Variants in ANKRD30B observed in about 807,000 individuals in gnomAD.
ANKRD30B encodes ankyrin repeat domain-containing protein 30B.
Under a neutral mutation model 202.2 loss-of-function variants are expected in ANKRD30B, and 144 were observed. That is an observed-to-expected ratio of 0.71 (90% CI 0.62 to 0.82). The LOEUF is 0.82. Among genes scored for constraint, ANKRD30B ranks in the 40% least tolerant of loss-of-function variants. ANKRD30B has a pLI of 0.00. For missense variants in ANKRD30B, 1,487 were observed against 1,669.1 expected (o/e 0.89, Z 1.90); for synonymous variants, 508 against 561.3 (o/e 0.91, Z 1.34).
chr18:14,899,993 G>A, the ANKRD30B span, among the ~76,000 whole-genome samples: 1 of 151,906 alleles, frequency 6.6e-6, no homozygotes, highest in African/African-American at 2.4e-5. Flanking sequence ...TAAATTCCAG[G>A]CATTCATATT....
chr18:14,881,000 T>G, the ANKRD30B span, among the ~76,000 whole-genome samples: 1 of 152,068 alleles, frequency 6.6e-6, no homozygotes, highest in Admixed American at 6.6e-5. Context: ...GTCCGTAGGG[T>G]TCTCAAGGAG....
chr18:14,832,095 G>T (rs2143098484), intron 34 of ANKRD30B, among the ~76,000 whole-genome samples: 1 of 152,268 alleles, frequency 6.6e-6, no homozygotes, highest in Admixed American at 6.5e-5. Context: ...TGGGCATGAT[G>T]GTGCATGCCT....
At chr18:14,795,850 CTTA>C (rs1968841317) in intron 16 of ANKRD30B, among the ~76,000 whole-genome samples, 1 of 150,414 alleles carries the variant, frequency 6.6e-6, no homozygotes, top group African/African-American at 2.5e-5. Flanking sequence ...TTACCTAGGA[CTTA>C]TTTTTTTTTT....
Position 14,831,181 on chromosome 18 carries a change from G to GAAAAAA in ANKRD30B, c.2775-188_2775-183dup, listed in dbSNP as rs71305894. On this transcript the variant is annotated intron_variant, in intron 33 of 43. Transcript: ENST00000690538. ...GGCGACAGAGCGAGACTCCGTCTCG[G>GAAAAAA]AAAAAAAAAAAAAAAAAAACGAAAA... is the stretch of plus-strand genomic sequence containing the variant. Among the ~76,000 whole-genome samples, 45 of 52,330 alleles carry GAAAAAA rather than the reference G, an allele frequency of 8.6e-4. 3 individuals are homozygous for GAAAAAA. Among genetic ancestry groups the GAAAAAA allele is most frequent in the South Asian group, 3.2e-3 (3 of 952 alleles). The allele number at this position is 52,330 out of a possible 152,430, so 34.3% of individuals were successfully genotyped here. A position where few individuals can be genotyped will look rare whatever the true frequency, so the allele number is the denominator to read the frequency against.
At position 14,818,061 on chromosome 18, in the gene ANKRD30B, AAGT is replaced by A. The variant is rs1399270923; in HGVS notation, c.2641+3353_2641+3355del. On this transcript the variant is annotated intron_variant, in intron 30 of 43. Transcript: ENST00000690538. ...AAAGTATGTTGTACTGAGAAATAAA[AAGT>A]AGAGAAAAATGAGAGATTAAGCATG... is the stretch of plus-strand genomic sequence containing the variant. Among the ~76,000 whole-genome samples, 5 of 152,276 alleles carry A rather than the reference AAGT, an allele frequency of 3.3e-5. No homozygotes were observed. The East Asian group carries it at 9.7e-4, about 29-fold the overall frequency.
chr18:14,791,610 G>C, intron 16 of ANKRD30B, 119 bp downstream of exon 16: 1 of 766,680 alleles, frequency 1.3e-6, no homozygotes, highest in Non-Finnish European at 2.1e-6. Flanking sequence ...ACAGAAAAAA[G>C]AGAAGTGAAA....
At chr18:14,809,420 C>A in intron 26 of ANKRD30B, among the ~76,000 whole-genome samples, 1 of 150,828 alleles carries the variant, frequency 6.6e-6, no homozygotes. Flanking sequence ...TGAAGCTAGA[C>A]AACTGGTTAG....
chr18:14,805,896 T>C (rs2144026716), intron 24 of ANKRD30B, among the ~76,000 whole-genome samples: 1 of 150,110 alleles, frequency 6.7e-6, no homozygotes, highest in South Asian at 2.1e-4. Context: ...TTTTTATTTT[T>C]TGTTCAGCGA....
the ANKRD30B span, chr18:14,883,875 T>A: frequency 4.4e-6 from 1 of 225,506 alleles, no homozygotes; most frequent in South Asian, 1.6e-4. Flanking sequence ...TCAAGAATGT[T>A]TCCACAGAGA....
intron 7 of ANKRD30B, 54 bp downstream of exon 7, chr18:14,764,144 T>A (rs965431819): frequency 6.9e-7 from 1 of 1,450,682 alleles, no homozygotes; most frequent in Non-Finnish European, 9.1e-7. Context: ...GGTTCCCTAG[T>A]GAAAAAAGTG....
rs1438971378 is a variant in ANKRD30B, at chr18:14,819,936, C to G, written c.2642-2547C>G. On this transcript the variant is annotated intron_variant, in intron 30 of 43. Transcript: ENST00000690538. ...TAGCTTGATGGGGATGGCATTGAAT[C>G]TGTAAATAACCTTGGGCAGTATGGC... Among the ~76,000 whole-genome samples the G allele has an allele frequency of 1.8e-4, 28 of 152,184 alleles. No homozygotes were observed. In the South Asian group the frequency reaches 5.4e-3, roughly 29 times the overall value.
chr18:14,829,660 A>G (rs1970817941), intron 33 of ANKRD30B, among the ~76,000 whole-genome samples: 1 of 152,224 alleles, frequency 6.6e-6, no homozygotes, highest in South Asian at 2.1e-4. Context: ...AAGGCATACT[A>G]AAATAGGGTT....
At chr18:14,928,801 T>A in the ANKRD30B span, among the ~76,000 whole-genome samples, 1 of 152,314 alleles carries the variant, frequency 6.6e-6, no homozygotes, top group African/African-American at 2.4e-5. Flanking sequence ...GGTGATATAT[T>A]TTTCTTAAAT....
intron 16 of ANKRD30B, 136 bp downstream of exon 16, chr18:14,791,627 T>TA: frequency 1.5e-6 from 1 of 669,420 alleles, no homozygotes; most frequent in Non-Finnish European, 2.5e-6. Context: ...GAAACGGTGA[T>TA]AAGTTATACG....
intron 39 of ANKRD30B, among the ~76,000 whole-genome samples, chr18:14,843,775 C>T (rs971387360): frequency 6.6e-6 from 1 of 152,064 alleles, no homozygotes; most frequent in Admixed American, 6.5e-5. Flanking sequence ...GCCTAGGGGA[C>T]AGAGCGAGAC....
intron 12 of ANKRD30B, 46 bp downstream of exon 12, chr18:14,782,660 T>C (rs1332981619): frequency 5.5e-6 from 7 of 1,281,398 alleles, no homozygotes; most frequent in Non-Finnish European, 7.6e-6. Flanking sequence ...CATATGTTTG[T>C]CTAAACGCAT....
At chr18:14,799,362 C>G in intron 22 of ANKRD30B, 67 bp downstream of exon 22, 3 of 1,336,674 alleles carry the variant, frequency 2.2e-6, no homozygotes, top group Non-Finnish European at 3.0e-6. Context: ...TGCTGAGCAC[C>G]TTTTTATTCC....
chr18:14,926,811 T>C, the ANKRD30B span, among the ~76,000 whole-genome samples: 2 of 152,056 alleles, frequency 1.3e-5, no homozygotes, highest in East Asian at 3.9e-4. Context: ...CCTATAGTCT[T>C]AGCTGCTTGG....
intron 15 of ANKRD30B, among the ~76,000 whole-genome samples, chr18:14,791,079 C>T (rs148997717): frequency 4.6e-5 from 7 of 151,968 alleles, no homozygotes; most frequent in East Asian, 3.9e-4. Flanking sequence ...TCCTGTTATT[C>T]GTCTATTCAG....
Sources: allele counts gnomAD v4.1 joint callset (sites outside exome capture counted in the v4.1 genomes callset), GRCh38; gene constraint gnomAD v4.1.1; transcripts MANE v1.5; gene names NCBI Gene and HGNC (gene_info 2026-07-23, HGNC 2026-07-21).